SASH1: variants seen among roughly 807,000 people sequenced by gnomAD.
SASH1 encodes the protein SAM and SH3 domain-containing protein 1.
SASH1 carries 44 observed loss-of-function variants against 125.2 expected under a neutral mutation model. The observed-to-expected ratio is 0.35, with a 90% CI of 0.28 to 0.45. The LOEUF is 0.45. Ranked by LOEUF, SASH1 falls within the 20% of genes least tolerant of loss-of-function variation. The pLI is 1.00. For synonymous variants in SASH1, 639 were observed against 649.1 expected, an observed-to-expected ratio of 0.98 and a Z score of 0.24; for missense variants, 1,426 against 1,614.5, an observed-to-expected ratio of 0.88 and a Z score of 2.00.
At chr6:148,401,973 C>T (rs7767837) in intron 2 of SASH1, among the ~76,000 whole-genome samples, 4,890 of 152,074 alleles carry the variant, frequency 0.032, 248 homozygotes, top group African/African-American at 0.11. Flanking sequence ...TTTCATCTTT[C>T]GGGATCTGTT....
intron 1 of SASH1, among the ~76,000 whole-genome samples, chr6:148,357,091 G>C (rs551057727): frequency 3.9e-5 from 6 of 152,274 alleles, no homozygotes; most frequent in African/African-American, 1.4e-4. Context: ...TTAGTTCTTT[G>C]TTGGGTGTAT....
chr6:148,206,953 T>C, the SASH1 span, among the ~76,000 whole-genome samples: 1 of 152,156 alleles, frequency 6.6e-6, no homozygotes, highest in East Asian at 1.9e-4. Context: ...AATAATTGGG[T>C]CAATCCCTAG....
chr6:148,248,637 T>C, the SASH1 span, among the ~76,000 whole-genome samples: 1 of 152,232 alleles, frequency 6.6e-6, no homozygotes, highest in African/African-American at 2.4e-5. Context: ...TGTTGTTCTT[T>C]GGAACATTTG....
chr6:148,519,815 A>T lies in SASH1; in HGVS notation c.1131A>T (p.Glu377Asp). Residue 377 changes from glutamate (E) to aspartate (D), a missense_variant, in exon 10 of 20, where the codon GAA (glutamate) becomes GAT (aspartate). This residue lies in a region of SASH1 where 567 missense variants were observed against 575.6 expected (regional missense o/e 0.99). Transcript: ENST00000367467. The surrounding 1 kb of genome is among the most constrained non-coding windows in gnomAD (Gnocchi z 4.8). Reference protein sequence around the residue: ...KKMGTFFSYPEEEKAQKVSRS... With the variant: ...KKMGTFFSYPDEEKAQKVSRS... ...TGGGGACATTCTTCTCCTACCCAGA[A>T]GAAGAAAAGGCCCAGAAAGTGTCCC... 6.2e-7 allele frequency: 1 copy of T among 1,613,530 alleles called. No homozygotes were observed. Among genetic ancestry groups the T allele is most frequent in the African/African-American group, 1.3e-5 (1 of 74,996 alleles).
At chr6:148,333,979 C>T (rs1282600758) in intron 1 of SASH1, among the ~76,000 whole-genome samples, 1 of 151,714 alleles carries the variant, frequency 6.6e-6, no homozygotes, top group South Asian at 2.1e-4. Context: ...CCCACCACCA[C>T]GACTGGCTAA....
chr6:148,401,787 G>C (rs1056490667), intron 2 of SASH1, among the ~76,000 whole-genome samples: 75 of 151,940 alleles, frequency 4.9e-4, no homozygotes, highest in African/African-American at 1.7e-3. Flanking sequence ...TGTGTGTGTG[G>C]GGGGGTGTAT....
the SASH1 span, among the ~76,000 whole-genome samples, chr6:148,217,557 G>A: frequency 1.3e-5 from 2 of 152,184 alleles, no homozygotes; most frequent in Non-Finnish European, 2.9e-5. Context: ...GTGGAGGCAG[G>A]GTTCAAACGC....
chr6:148,333,569 T>C (rs1781057051), intron 1 of SASH1, among the ~76,000 whole-genome samples: 1 of 151,464 alleles, frequency 6.6e-6, no homozygotes, highest in African/African-American at 2.4e-5. Flanking sequence ...GTTGTCGCTG[T>C]TGTTGTTGTT....
the SASH1 span, among the ~76,000 whole-genome samples, chr6:148,202,087 A>G: frequency 1.3e-4 from 20 of 151,940 alleles, no homozygotes; most frequent in African/African-American, 4.8e-4. Context: ...AAGGGTGTAC[A>G]TGCAGCAGGG....
chr6:148,527,285 A>T, intron 11 of SASH1, 168 bp from the exon 12 acceptor site: 1 of 566,826 alleles, frequency 1.8e-6, no homozygotes, highest in Non-Finnish European at 2.8e-6. Flanking sequence ...AATAAGCTTT[A>T]ATTTTTAATC....
Position 148,349,252 on chromosome 6 carries a change from CTTTTTTTTTT to C in SASH1, c.156+6049_156+6058del, listed in dbSNP as rs11317386. On this transcript the variant is annotated intron_variant, in intron 1 of 19. Transcript: ENST00000367467. ...TTATTTCATTCTTTCTTCTTTCTTT[CTTTTTTTTTT>C]TTTTTTTTTTTTTTTTTTTGAGTGA... Among the ~76,000 whole-genome samples, 252 of 47,014 alleles carry C rather than the reference CTTTTTTTTTT, an allele frequency of 5.4e-3. 2 individuals carry two copies. The highest frequency in any genetic ancestry group is 0.021 in the African/African-American group (241 of 11,722). The allele number at this position is 47,014 out of a possible 152,430, so 30.8% of individuals were successfully genotyped here.
At chr6:148,482,098 A>G (rs1778651193) in intron 7 of SASH1, among the ~76,000 whole-genome samples, 2 of 152,212 alleles carry the variant, frequency 1.3e-5, no homozygotes, top group East Asian at 3.8e-4. Flanking sequence ...TTATTCATTT[A>G]TGTGAGTAAT....
intron 1 of SASH1, among the ~76,000 whole-genome samples, chr6:148,380,696 T>C (rs536208599): frequency 2.0e-5 from 3 of 152,360 alleles, no homozygotes; most frequent in African/African-American, 7.2e-5. Flanking sequence ...CATTCTTTTC[T>C]CCACATTTTC....
intron 1 of SASH1, among the ~76,000 whole-genome samples, chr6:148,365,519 A>G (rs530825989): frequency 1.3e-5 from 2 of 151,874 alleles, no homozygotes; most frequent in East Asian, 1.9e-4. Context: ...ACTGAAGTAC[A>G]TCTCATTCTT....
rs866515799 is a variant in SASH1 at position 148,387,612 on chromosome 6, C to G, written c.157-2522C>G. 2.7e-4 allele frequency among the ~76,000 whole-genome samples: 5 copies of G among 18,754 alleles called. 1 individual carries two copies. The highest frequency in any genetic ancestry group is 4.2e-4 in the Non-Finnish European group (4 of 9,460). 12.3% of individuals were successfully genotyped at this position (18,754 alleles called of 152,430 possible). A position where few individuals can be genotyped will look rare whatever the true frequency, so the allele number is the denominator to read the frequency against. On this transcript the variant is annotated intron_variant, in intron 1 of 19. Transcript: ENST00000367467. Reference sequence around the variant, plus strand: ...TCTTTCTTTCTTTCTTTCTTTCTTTCTTTCTTTCTTTCTTTCTTTCTTTCT... The same window carrying G: ...TCTTTCTTTCTTTCTTTCTTTCTTTGTTTCTTTCTTTCTTTCTTTCTTTCT...
the SASH1 span, among the ~76,000 whole-genome samples, chr6:148,258,684 A>T: frequency 6.6e-6 from 1 of 152,234 alleles, no homozygotes; most frequent in Non-Finnish European, 1.5e-5. Context: ...TCCCTGGGTC[A>T]TAGATTCAGT....
At chr6:148,382,718 G>T (rs1783193282) in intron 1 of SASH1, among the ~76,000 whole-genome samples, 1 of 152,150 alleles carries the variant, frequency 6.6e-6, no homozygotes, top group Admixed American at 6.5e-5. Flanking sequence ...TTCAGGAGGG[G>T]ATCTGTGGTA....
intron 15 of SASH1, 65 bp from the exon 16 acceptor site, chr6:148,534,686 G>T (rs182563428): frequency 5.9e-6 from 9 of 1,518,502 alleles, no homozygotes; most frequent in Non-Finnish European, 8.2e-6. Context: ...CAGGCTAGTT[G>T]TTGGCGGTGT....
chr6:148,303,059 C>A (rs1048437226), intron 1 of SASH1, among the ~76,000 whole-genome samples: 1 of 152,066 alleles, frequency 6.6e-6, no homozygotes, highest in South Asian at 2.1e-4. Flanking sequence ...CAGCTCACTG[C>A]AAACTCTGCC....
Sources: allele counts gnomAD v4.1 joint callset (sites outside exome capture counted in the v4.1 genomes callset), GRCh38; gene constraint gnomAD v4.1.1; regional missense constraint gnomAD v4.1.1; non-coding constraint Gnocchi (gnomAD v3.1); transcripts MANE v1.5; gene names NCBI Gene and HGNC (gene_info 2026-07-23, HGNC 2026-07-21).